The following KATNAL2 variants were observed in gnomAD, a reference collection of about 807,000 sequenced individuals.
The protein encoded by KATNAL2 is katanin p60 ATPase-containing subunit A-like 2.
A neutral mutation model predicts 76.3 loss-of-function variants in KATNAL2; 52 were observed. The observed-to-expected ratio is 0.68, with a 90% confidence interval of 0.55 to 0.86. The LOEUF (loss-of-function observed/expected upper bound fraction) is 0.86, where lower values mean the gene tolerates loss of function less well. Among genes scored for constraint, KATNAL2 ranks in the 40% least tolerant of loss-of-function variants. The pLI is 0.00. For missense variants in KATNAL2, 660 were observed against 668.9 expected (o/e 0.99, Z 0.15); for synonymous variants, 243 against 244.2 (o/e 1.00, Z 0.05).
chr18:47,087,005 T>C (rs1488149302), intron 15 of KATNAL2, among the ~76,000 whole-genome samples: 1 of 152,228 alleles, frequency 6.6e-6, no homozygotes, highest in Non-Finnish European at 1.5e-5. Flanking sequence ...AAAATTATTA[T>C]AACCATTTTA....
intron 6 of KATNAL2, among the ~76,000 whole-genome samples, chr18:47,057,840 AGGACTCC>A (rs2061514452): frequency 6.6e-6 from 1 of 152,214 alleles, no homozygotes; most frequent in Non-Finnish European, 1.5e-5. Context: ...TTTGAATGGG[AGGACTCC>A]TTTCTCTCTC....
chr18:47,079,233 C>T (rs1194628057), intron 15 of KATNAL2, among the ~76,000 whole-genome samples: 1 of 152,154 alleles, frequency 6.6e-6, no homozygotes, highest in Non-Finnish European at 1.5e-5. Context: ...AAGTCATTAT[C>T]ACCCTAACAT....
At chr18:46,947,013 C>G (rs2059400352) in intron 3 of KATNAL2, 90 bp downstream of exon 3, 1 of 914,816 alleles carries the variant, frequency 1.1e-6, no homozygotes, top group African/African-American at 1.6e-5. Context: ...GTTGCTATGG[C>G]GACAGAGTCC....
At chr18:46,958,066 C>T (rs966504213) in intron 3 of KATNAL2, among the ~76,000 whole-genome samples, 4 of 152,106 alleles carry the variant, frequency 2.6e-5, no homozygotes, top group Non-Finnish European at 5.9e-5. Context: ...AAAGACTGAC[C>T]CTCCCACATG....
chr18:46,937,484 A>G (rs149735662), intron 1 of KATNAL2, among the ~76,000 whole-genome samples: 2 of 152,252 alleles, frequency 1.3e-5, no homozygotes, highest in African/African-American at 4.8e-5. Flanking sequence ...CACTAGGTAC[A>G]AACTAAAGAA....
chr18:47,054,300 T>A (rs1372674047), intron 5 of KATNAL2, 96 bp from the exon 6 acceptor site: 1 of 1,121,038 alleles, frequency 8.9e-7, no homozygotes, highest in East Asian at 2.3e-5. Flanking sequence ...ACTCAAATTT[T>A]AAGAACAATG....
rs59145331 is a variant in KATNAL2, at chr18:46,955,142, CTT to C, written c.51+8221_51+8222del. ...TTTGTCTTTCTTTCTTTCTCTCTCT[CTT>C]TCTTTCTTTCTTTCTTTCTTTCTTT... On this transcript the variant is annotated intron_variant, in intron 3 of 17. Transcript: ENST00000683218. Among the ~76,000 whole-genome samples, 168 of 53,592 alleles carry C rather than the reference CTT, an allele frequency of 3.1e-3. 1 individual carries two copies. The highest frequency in any genetic ancestry group is 0.01 in the East Asian group (26 of 2,494). 35.2% of individuals were successfully genotyped at this position (53,592 alleles called of 152,430 possible).
chr18:46,923,616 T>C (rs2058640704), intron 1 of KATNAL2, among the ~76,000 whole-genome samples: 1 of 152,124 alleles, frequency 6.6e-6, no homozygotes, highest in South Asian at 2.1e-4. Flanking sequence ...GGTCAAATGG[T>C]ATTTCTAGTT....
chr18:46,932,839 A>G (rs1245543595), intron 1 of KATNAL2, among the ~76,000 whole-genome samples: 1 of 151,680 alleles, frequency 6.6e-6, no homozygotes, highest in Non-Finnish European at 1.5e-5. Context: ...ATCTCAGCTC[A>G]CTGCAACCTC....
At chr18:46,944,797 G>A (rs1044107064) in intron 1 of KATNAL2, among the ~76,000 whole-genome samples, 5 of 151,854 alleles carry the variant, frequency 3.3e-5, no homozygotes, top group African/African-American at 7.3e-5. Flanking sequence ...GCGTGGTGGC[G>A]TGCACTTGTA....
chr18:46,920,171 C>G (rs1341712391), intron 1 of KATNAL2: 6 of 809,692 alleles, frequency 7.4e-6, no homozygotes, highest in Middle Eastern at 2.6e-4. Context: ...AGGTGCTGCC[C>G]TAGACTGGCC....
At chr18:46,954,385 T>C (rs1015900174) in intron 3 of KATNAL2, among the ~76,000 whole-genome samples, 10 of 146,718 alleles carry the variant, frequency 6.8e-5, no homozygotes, top group African/African-American at 1.5e-4. Context: ...GGCGGGAGTA[T>C]AGTGGCATGA....
intron 15 of KATNAL2, among the ~76,000 whole-genome samples, chr18:47,083,933 C>T (rs1229756110): frequency 6.6e-6 from 1 of 152,156 alleles, no homozygotes; most frequent in Non-Finnish European, 1.5e-5. Flanking sequence ...TCATGTTTTC[C>T]TTGCTGTTTG....
chr18:47,089,794 A>C (rs911631920), intron 15 of KATNAL2, among the ~76,000 whole-genome samples: 3 of 152,242 alleles, frequency 2.0e-5, no homozygotes, highest in Admixed American at 6.5e-5. Flanking sequence ...TAAAATTTTC[A>C]ACAAAGCAGA....
intron 3 of KATNAL2, among the ~76,000 whole-genome samples, chr18:47,046,077 C>T (rs1174236165): frequency 6.6e-6 from 1 of 152,232 alleles, no homozygotes; most frequent in Non-Finnish European, 1.5e-5. Context: ...TGTGTTGTCA[C>T]AGATGATTTC....
chr18:46,919,007 ATGTGTGTGTG>A (rs112427539), intron 1 of KATNAL2, among the ~76,000 whole-genome samples: 6 of 143,218 alleles, frequency 4.2e-5, no homozygotes, highest in Admixed American at 7.0e-5. Flanking sequence ...ATATATATAT[ATGTGTGTGTG>A]TGTGTGTGTG....
In KATNAL2 at chr18:47,073,010, C is replaced by T. The variant is rs552163047; in HGVS notation, c.1009-2267C>T. Among the ~76,000 whole-genome samples, 5 of 151,914 alleles carry T rather than the reference C, an allele frequency of 3.3e-5. No homozygotes were observed. The South Asian group carries it at 6.3e-4, about 19-fold the overall frequency. ...CAGTCTTATATGTACACATTTTTGC[C>T]CATATAGTATGGGACAATTTGTACG... On this transcript the variant is annotated intron_variant, in intron 13 of 17. Transcript: ENST00000683218.
intron 1 of KATNAL2, among the ~76,000 whole-genome samples, chr18:46,932,891 A>G (rs1324580969): frequency 6.6e-6 from 1 of 151,602 alleles, no homozygotes; most frequent in Non-Finnish European, 1.5e-5. Flanking sequence ...CAACCTCCTT[A>G]GTAACTGGGA....
At chr18:46,950,792 C>A (rs1276092795) in intron 3 of KATNAL2, among the ~76,000 whole-genome samples, 2 of 152,240 alleles carry the variant, frequency 1.3e-5, no homozygotes, top group East Asian at 3.9e-4. Flanking sequence ...TCAAGCGACT[C>A]TCCTGCCTCA....
Sources: gnomAD v4.1 joint callset for allele counts (sites outside exome capture counted in the v4.1 genomes callset) on GRCh38, gnomAD v4.1.1 for gene constraint, MANE v1.5 for transcripts, NCBI Gene and HGNC (gene_info 2026-07-23, HGNC 2026-07-21) for gene names.